The following CACNA2D3 variants were observed in gnomAD, a reference collection of about 807,000 sequenced individuals.
CACNA2D3 encodes calcium voltage-gated channel auxiliary subunit alpha2delta 3.
Under a neutral mutation model 160.6 loss-of-function variants are expected in CACNA2D3, and 60 were observed. The observed-to-expected ratio is 0.37, with a 90% CI of 0.30 to 0.46. The LOEUF is 0.46. CACNA2D3 is among the 20% of genes least tolerant of loss of function. The probability of loss-of-function intolerance (pLI) is 1.00; values close to 1 mark genes in which losing one functional copy is unlikely to be tolerated. For synonymous variants in CACNA2D3, 558 were observed against 492.9 expected (o/e 1.13, Z -1.75); for missense variants, 1,205 against 1,365.0 (o/e 0.88, Z 1.85).
intron 2 of CACNA2D3, among the ~76,000 whole-genome samples, chr3:54,149,924 T>G (rs867204677): frequency 2.7e-4 from 13 of 48,746 alleles, no homozygotes; most frequent in African/African-American, 1.0e-3. Context: ...TCTCTCTCTC[T>G]CTCTCTCCCT....
intron 27 of CACNA2D3, among the ~76,000 whole-genome samples, chr3:54,947,272 C>T (rs1300771877): frequency 1.3e-5 from 2 of 152,150 alleles, no homozygotes; most frequent in Admixed American, 1.3e-4. Flanking sequence ...TATGCTGCCT[C>T]TTAACTTTTC....
chr3:54,274,091 C>T (rs532691989), intron 2 of CACNA2D3, among the ~76,000 whole-genome samples: 1 of 152,066 alleles, frequency 6.6e-6, no homozygotes, highest in South Asian at 2.1e-4. Context: ...TGGAAATGAC[C>T]TTCTCTTATG....
chr3:54,977,074 CA>C (rs1214434293), intron 29 of CACNA2D3, among the ~76,000 whole-genome samples: 1 of 151,978 alleles, frequency 6.6e-6, no homozygotes, highest in Non-Finnish European at 1.5e-5. Flanking sequence ...TCCAAAGAAA[CA>C]AATGGGGTAA....
At chr3:54,836,226 CTTTTTTTT>C (rs71096454) in intron 14 of CACNA2D3, among the ~76,000 whole-genome samples, 5 of 92,704 alleles carry the variant, frequency 5.4e-5, no homozygotes, top group Non-Finnish European at 1.1e-4. Flanking sequence ...TTTTTTTTTT[CTTTTTTTT>C]TTTTTTTGTT....
intron 8 of CACNA2D3, among the ~76,000 whole-genome samples, chr3:54,574,254 A>G (rs1338679459): frequency 6.6e-6 from 1 of 152,108 alleles, no homozygotes; most frequent in Non-Finnish European, 1.5e-5. Flanking sequence ...GTTTGTGCAA[A>G]TCTAATTCAT....
At chr3:54,754,928 A>T (rs939351164) in intron 12 of CACNA2D3, among the ~76,000 whole-genome samples, 2 of 152,174 alleles carry the variant, frequency 1.3e-5, no homozygotes, top group Non-Finnish European at 2.9e-5. Context: ...TAGGAAGGGA[A>T]GCTTGGGTCT....
At chr3:54,442,278 G>A (rs184758091) in intron 4 of CACNA2D3, among the ~76,000 whole-genome samples, 2 of 152,250 alleles carry the variant, frequency 1.3e-5, no homozygotes, top group African/African-American at 4.8e-5. Flanking sequence ...TGGCCAATGA[G>A]ACATTGGCAG....
intron 11 of CACNA2D3, among the ~76,000 whole-genome samples, chr3:54,726,861 C>T (rs1701286256): frequency 6.6e-6 from 1 of 152,118 alleles, no homozygotes; most frequent in Admixed American, 6.5e-5. Context: ...TGGGCAAAGG[C>T]TTCATGTCTA....
At chr3:55,018,440 G>A (rs770344351) in intron 35 of CACNA2D3, 123 bp downstream of exon 35, 14 of 631,524 alleles carry the variant, frequency 2.2e-5, no homozygotes, top group East Asian at 5.6e-5. Flanking sequence ...GCCCTCTTGC[G>A]TAAGGAAGTA....
At chr3:54,248,755 T>G (rs2107420054) in intron 2 of CACNA2D3, among the ~76,000 whole-genome samples, 1 of 152,320 alleles carries the variant, frequency 6.6e-6, no homozygotes, top group South Asian at 2.1e-4. Context: ...CTGTGGTACT[T>G]TGTTATGGCA....
At chr3:54,888,672 C>T (rs988356994) in intron 24 of CACNA2D3, among the ~76,000 whole-genome samples, 1 of 152,134 alleles carries the variant, frequency 6.6e-6, no homozygotes, top group African/African-American at 2.4e-5. Context: ...TTTCTCTCCA[C>T]TTTTCTGTTC....
chr3:54,514,214 G>A (rs1701507362), intron 5 of CACNA2D3, among the ~76,000 whole-genome samples: 1 of 152,160 alleles, frequency 6.6e-6, no homozygotes, highest in Admixed American at 6.5e-5. Flanking sequence ...CTCACACATA[G>A]GGGATATTTC....
intron 33 of CACNA2D3, 135 bp from the exon 34 acceptor site, chr3:55,009,253 G>A (rs1703159789): frequency 4.0e-6 from 3 of 742,270 alleles, no homozygotes; most frequent in African/African-American, 3.5e-5. Flanking sequence ...TAGTAACTCA[G>A]CCAACTGTGT....
chr3:54,496,252 A>G (rs1488640277), intron 4 of CACNA2D3, among the ~76,000 whole-genome samples: 5 of 152,210 alleles, frequency 3.3e-5, no homozygotes, highest in Non-Finnish European at 7.3e-5. Context: ...TGTTTGTACC[A>G]TTTTATATTT....
intron 4 of CACNA2D3, among the ~76,000 whole-genome samples, chr3:54,447,450 A>G (rs554118176): frequency 6.6e-6 from 1 of 152,322 alleles, no homozygotes; most frequent in East Asian, 1.9e-4. Context: ...AACTCTTTCC[A>G]GTGTTTTGTT....
intron 2 of CACNA2D3, among the ~76,000 whole-genome samples, chr3:54,213,554 G>A (rs984482563): frequency 8.5e-5 from 13 of 152,130 alleles, no homozygotes; most frequent in Admixed American, 5.2e-4. Context: ...GTCCTCACCT[G>A]AGGAGCATGC....
chr3:54,355,858 G>A lies in CACNA2D3; in HGVS notation c.322-30857G>A, dbSNP rs77243860. ...CATGCCCATTTCGAAGCATAAACTC[G>A]AGTTAGTCTGGAGACTTCATAGTGC... On this transcript the variant is annotated intron_variant, in intron 3 of 37. Transcript: ENST00000474759. 4.3e-4 allele frequency among the ~76,000 whole-genome samples: 65 copies of A among 152,266 alleles called. 1 individual carries two copies. The East Asian group carries it at 8.9e-3, about 21-fold the overall frequency.
At chr3:54,977,397 C>T (rs1212926193) in intron 29 of CACNA2D3, among the ~76,000 whole-genome samples, 2 of 152,178 alleles carry the variant, frequency 1.3e-5, no homozygotes, top group African/African-American at 4.8e-5. Context: ...GAAATCTTGC[C>T]TCTTTGTCAA....
intron 11 of CACNA2D3, among the ~76,000 whole-genome samples, chr3:54,722,189 C>T (rs955182075): frequency 2.0e-5 from 3 of 152,096 alleles, no homozygotes; most frequent in East Asian, 1.9e-4. Context: ...TCCTTTCTTT[C>T]GCTTGATGAA....
Sources: allele counts gnomAD v4.1 joint callset (sites outside exome capture counted in the v4.1 genomes callset), GRCh38; gene constraint gnomAD v4.1.1; transcripts MANE v1.5; gene names NCBI Gene and HGNC (gene_info 2026-07-23, HGNC 2026-07-21).